The following DPYD variants were observed in gnomAD, a reference collection of about 807,000 sequenced individuals.
DPYD encodes the protein dihydropyrimidine dehydrogenase [NADP(+)].
Under a neutral mutation model 116.2 loss-of-function variants are expected in DPYD, and 109 were observed. The observed-to-expected ratio is 0.94, with a 90% CI of 0.80 to 1.10. The LOEUF (loss-of-function observed/expected upper bound fraction) is 1.10. Ranked by LOEUF, DPYD falls within the 50% of genes least tolerant of loss-of-function variation. DPYD has a pLI of 0.00. For missense variants in DPYD, 1,302 were observed against 1,254.5 expected, an observed-to-expected ratio of 1.04 and a Z score of -0.57; for synonymous variants, 440 against 432.0, an observed-to-expected ratio of 1.02 and a Z score of -0.23.
At chr1:97,340,313 T>A (rs2101222628) in intron 16 of DPYD, among the ~76,000 whole-genome samples, 1 of 152,118 alleles carries the variant, frequency 6.6e-6, no homozygotes, top group South Asian at 2.1e-4. Context: ...ATTACAGGAA[T>A]AATTCTCAAA....
intron 20 of DPYD, among the ~76,000 whole-genome samples, chr1:97,121,678 G>A (rs546416262): frequency 6.6e-6 from 1 of 152,230 alleles, no homozygotes; most frequent in South Asian, 2.1e-4. Flanking sequence ...GCTGAACTTG[G>A]TACGGGAGAA....
At chr1:97,171,941 T>C (rs1029985796) in intron 20 of DPYD, among the ~76,000 whole-genome samples, 6 of 152,112 alleles carry the variant, frequency 3.9e-5, no homozygotes, top group African/African-American at 9.7e-5. Context: ...TGCTAACATA[T>C]GGAAAGATAA....
chr1:97,385,923 G>C (rs921793875), intron 14 of DPYD, among the ~76,000 whole-genome samples: 2 of 152,068 alleles, frequency 1.3e-5, no homozygotes. Flanking sequence ...TTGGTTAATT[G>C]TTCACCCTGT....
In DPYD at chr1:97,448,044, C is replaced by T. The variant is rs181361488; in HGVS notation, c.1905+2015G>A. ...TTCAAGACCAGCCTGGGCAACATAG[C>T]GAGACATCATCTCTACAAAAAATTA... On this transcript the variant is annotated intron_variant, in intron 14 of 22. Transcript: ENST00000370192. Among the ~76,000 whole-genome samples the T allele has an allele frequency of 7.0e-4, 107 of 152,022 alleles. 2 individuals are homozygous for T. The highest frequency in any genetic ancestry group is 6.2e-3 in the Admixed American group (94 of 15,268).
At chr1:97,770,286 T>C (rs1009372395) in intron 3 of DPYD, among the ~76,000 whole-genome samples, 4 of 152,212 alleles carry the variant, frequency 2.6e-5, no homozygotes, top group African/African-American at 4.8e-5. Flanking sequence ...AGGGGTATGA[T>C]ATATGACAGC....
intron 15 of DPYD, among the ~76,000 whole-genome samples, chr1:97,375,471 G>A (rs1466872575): frequency 1.3e-5 from 2 of 152,054 alleles, no homozygotes; most frequent in African/African-American, 4.8e-5. Flanking sequence ...TTTGATCATT[G>A]AGCCTGTTTT....
intron 20 of DPYD, among the ~76,000 whole-genome samples, chr1:97,182,405 GTTTTT>G (rs1192649182): frequency 6.6e-6 from 1 of 151,938 alleles, no homozygotes. Flanking sequence ...CTGGTGTTTT[GTTTTT>G]TATTTTCCTT....
At chr1:97,850,883 T>C (rs894827193) in intron 2 of DPYD, among the ~76,000 whole-genome samples, 4 of 152,044 alleles carry the variant, frequency 2.6e-5, no homozygotes, top group African/African-American at 9.7e-5. Flanking sequence ...TTAAAACACA[T>C]GTCCTTTTTA....
At chr1:97,801,574 T>C (rs150312055) in intron 3 of DPYD, among the ~76,000 whole-genome samples, 1 of 152,024 alleles carries the variant, frequency 6.6e-6, no homozygotes, top group Non-Finnish European at 1.5e-5. Flanking sequence ...GTGTTAATGC[T>C]ATAAGTTGAA....
At chr1:97,284,903 C>T (rs2100950642) in intron 18 of DPYD, among the ~76,000 whole-genome samples, 1 of 152,196 alleles carries the variant, frequency 6.6e-6, no homozygotes, top group African/African-American at 2.4e-5. Flanking sequence ...TTCCATTTCC[C>T]ACGTATTTTC....
chr1:97,267,423 T>C (rs1488314442), intron 18 of DPYD, among the ~76,000 whole-genome samples: 1 of 152,112 alleles, frequency 6.6e-6, no homozygotes, highest in Non-Finnish European at 1.5e-5. Context: ...TTTCTTACAG[T>C]TTCAGATTGA....
intron 14 of DPYD, among the ~76,000 whole-genome samples, chr1:97,430,424 A>T (rs567210034): frequency 3.9e-5 from 6 of 152,180 alleles, no homozygotes; most frequent in African/African-American, 1.4e-4. Flanking sequence ...GTATTTTGAC[A>T]GTTGCCTTTA....
Position 97,233,492 on chromosome 1 carries a change from A to C in DPYD, c.2442+1360T>G, listed in dbSNP as rs920773568. ...ACTGCTTGGTGAGGGTGGACGTCTA[A>C]GATCCCTACTTGTCCTTTGCTTGCA... is the stretch of plus-strand genomic sequence containing the variant. On this transcript the variant is annotated intron_variant, in intron 19 of 22. Coordinates refer to ENST00000370192, the MANE Select transcript of DPYD (RefSeq NM_000110.4). Among the ~76,000 whole-genome samples, 57 of 152,090 alleles carry C rather than the reference A, an allele frequency of 3.7e-4. 1 individual carries two copies. Among genetic ancestry groups the C allele is most frequent in the African/African-American group, 1.4e-3 (57 of 41,430 alleles).
intron 14 of DPYD, among the ~76,000 whole-genome samples, chr1:97,449,267 C>T (rs1419922966): frequency 6.6e-6 from 1 of 151,964 alleles, no homozygotes; most frequent in South Asian, 2.1e-4. Flanking sequence ...TTGCCTCAAA[C>T]CTCAACCTCC....
chr1:97,709,052 T>C (rs185189145), intron 5 of DPYD, among the ~76,000 whole-genome samples: 1 of 152,088 alleles, frequency 6.6e-6, no homozygotes, highest in East Asian at 1.9e-4. Context: ...ATTTTCTACA[T>C]AGACAATTCT....
At chr1:97,442,403 C>T (rs377227388) in intron 14 of DPYD, among the ~76,000 whole-genome samples, 5 of 150,480 alleles carry the variant, frequency 3.3e-5, no homozygotes, top group South Asian at 2.1e-4. Flanking sequence ...TACGAATGTC[C>T]TATGTCAAGA....
chr1:97,805,572 T>C (rs1668041279), intron 3 of DPYD, among the ~76,000 whole-genome samples: 1 of 151,850 alleles, frequency 6.6e-6, no homozygotes, highest in South Asian at 2.1e-4. Context: ...TTTCACCTTC[T>C]AGGCATAATG....
At chr1:97,591,227 C>A (rs1436219410) in intron 10 of DPYD, among the ~76,000 whole-genome samples, 1 of 152,222 alleles carries the variant, frequency 6.6e-6, no homozygotes, top group Non-Finnish European at 1.5e-5. Context: ...CCTGCCTTCT[C>A]TTCCACCATT....
At chr1:97,734,317 G>T (rs925825929) in intron 4 of DPYD, among the ~76,000 whole-genome samples, 7 of 151,990 alleles carry the variant, frequency 4.6e-5, no homozygotes, top group African/African-American at 2.4e-5. Context: ...GAATTGAAAT[G>T]TCCTCCTTAT....
Sources: allele counts gnomAD v4.1 joint callset (sites outside exome capture counted in the v4.1 genomes callset), GRCh38; gene constraint gnomAD v4.1.1; transcripts MANE v1.5; gene names NCBI Gene and HGNC (gene_info 2026-07-23, HGNC 2026-07-21).